The following FRRS1 variants were observed in gnomAD, a reference collection of about 807,000 sequenced individuals.
FRRS1 encodes ferric chelate reductase 1, also known as ferric reductase 1.
FRRS1 carries 51 observed loss-of-function variants against 70.7 expected under a neutral mutation model. That is an observed-to-expected ratio of 0.72 (90% CI 0.58 to 0.91). The LOEUF is 0.91. FRRS1 is among the 40% of genes least tolerant of loss of function. FRRS1 has a pLI of 0.00. For synonymous variants in FRRS1, 225 were observed against 238.7 expected, an observed-to-expected ratio of 0.94 and a Z score of 0.53; for missense variants, 672 against 726.0, an observed-to-expected ratio of 0.93 and a Z score of 0.86.
chr1:99,756,818 T>C (rs1329347329), intron 1 of FRRS1, among the ~76,000 whole-genome samples: 1 of 152,166 alleles, frequency 6.6e-6, no homozygotes, highest in Non-Finnish European at 1.5e-5. Flanking sequence ...AAGTTCTAGC[T>C]CTTGTTAGTC....
intron 9 of FRRS1, among the ~76,000 whole-genome samples, chr1:99,725,772 T>C (rs1655054687): frequency 6.6e-6 from 1 of 152,214 alleles, no homozygotes; most frequent in South Asian, 2.1e-4. Context: ...CATGTTCTGA[T>C]TTCTACATTG....
chr1:99,760,657 T>TC (rs1415116711), intron 1 of FRRS1, among the ~76,000 whole-genome samples: 1 of 152,170 alleles, frequency 6.6e-6, no homozygotes, highest in Non-Finnish European at 1.5e-5. Flanking sequence ...AGGAAAGACT[T>TC]CTTTTTTTTT....
At chr1:99,730,395 T>A (rs1655297861) in intron 7 of FRRS1, among the ~76,000 whole-genome samples, 1 of 152,154 alleles carries the variant, frequency 6.6e-6, no homozygotes, top group South Asian at 2.1e-4. Flanking sequence ...TCTCCAAAGA[T>A]CCTTAACTCT....
At chr1:99,759,661 T>G (rs183548659) in intron 1 of FRRS1, among the ~76,000 whole-genome samples, 12 of 152,286 alleles carry the variant, frequency 7.9e-5, no homozygotes, top group Admixed American at 2.0e-4. Context: ...CAATAAAATT[T>G]TGTGGACAAA....
chr1:99,734,627 A>G (rs1655559182), intron 7 of FRRS1, among the ~76,000 whole-genome samples: 1 of 152,178 alleles, frequency 6.6e-6, no homozygotes, highest in African/African-American at 2.4e-5. Context: ...GTCAAAACCA[A>G]CATTTCTCTG....
chr1:99,764,393 T>A (rs186027795), intron 1 of FRRS1, among the ~76,000 whole-genome samples: 61 of 152,292 alleles, frequency 4.0e-4, no homozygotes, highest in African/African-American at 1.4e-3. Flanking sequence ...GCATTTTTTT[T>A]AAAGCATGTA....
chr1:99,738,858 G>T (rs1055331434), intron 6 of FRRS1, among the ~76,000 whole-genome samples: 1 of 152,074 alleles, frequency 6.6e-6, no homozygotes, highest in Non-Finnish European at 1.5e-5. Context: ...ATTTATTGGG[G>T]GGAGAAATAA....
At chr1:99,753,861 A>AC (rs1284424536) in intron 1 of FRRS1, among the ~76,000 whole-genome samples, 9 of 152,236 alleles carry the variant, frequency 5.9e-5, no homozygotes, top group African/African-American at 1.9e-4. Context: ...AAAGTGGATC[A>AC]GGAAACAGAC....
chr1:99,740,916 T>G lies in FRRS1; in HGVS notation c.453A>C (p.Lys151Asn). The change falls in exon 6 of 17, where the codon AAA becomes AAC. Residue 151 changes from lysine to asparagine, a missense_variant. By Grantham distance (94) the Lys-to-Asn change is moderately conservative (BLOSUM62 0). Transcript: ENST00000646001. ...GACCAGGAATCTTCACCCAGTAGAT[T>G]TTATACTTCTCAACAACTGTGACTC... Reference protein sequence around the residue: ...QFLVTVVEKYKIYWVKIPGPI... With the variant: ...QFLVTVVEKYNIYWVKIPGPI... The G allele has an allele frequency of 6.2e-7, 1 of 1,611,182 alleles. No homozygotes were observed. Among genetic ancestry groups the G allele is most frequent in the Non-Finnish European group, 8.5e-7 (1 of 1,177,334 alleles).
rs543348589 is a variant in FRRS1 at position 99,733,919 on chromosome 1, C to T, written c.759+4167G>A. Among the ~76,000 whole-genome samples the T allele has an allele frequency of 4.7e-4, 72 of 152,260 alleles. 1 individual carries two copies. The South Asian group carries it at 0.012, about 25-fold the overall frequency. On this transcript the variant is annotated intron_variant, in intron 7 of 16. Coordinates refer to ENST00000646001, the MANE Select transcript of FRRS1 (RefSeq NM_001361041.2). ...TCATGATACAGAAATCTGACAGACA[C>T]CAGTGATCAAACATAGCATCATCAA... is the stretch of plus-strand genomic sequence containing the variant.
intron 7 of FRRS1, among the ~76,000 whole-genome samples, chr1:99,734,747 C>T (rs1161660917): frequency 6.6e-6 from 1 of 152,134 alleles, no homozygotes; most frequent in African/African-American, 2.4e-5. Flanking sequence ...CCTAACATTG[C>T]TGATCACCAA....
At chr1:99,727,836 G>T (rs1459340168) in intron 9 of FRRS1, among the ~76,000 whole-genome samples, 2 of 152,186 alleles carry the variant, frequency 1.3e-5, no homozygotes, top group Non-Finnish European at 2.9e-5. Context: ...ATTAATATGT[G>T]TTGCAATATC....
rs1232457104 is a variant in FRRS1, at chr1:99,704,824, C to G, written c.*4204G>C. Among the ~76,000 whole-genome samples the G allele has an allele frequency of 1.3e-5, 2 of 152,120 alleles. No individual in the cohort carries two copies. The highest frequency in any genetic ancestry group is 4.8e-5 in the African/African-American group (2 of 41,428). On this transcript the variant is annotated 3_prime_UTR_variant, in exon 17 of 17. Coordinates refer to ENST00000646001, the MANE Select transcript of FRRS1 (RefSeq NM_001361041.2). ...GGAGGAACAGTTGGCGGAGTTTGGC[C>G]GGGGCAATCAGAGGAGAGCCCAGGC...
chr1:99,719,960 G>A (rs896968040), intron 9 of FRRS1, among the ~76,000 whole-genome samples: 12 of 152,002 alleles, frequency 7.9e-5, no homozygotes, highest in Non-Finnish European at 8.8e-5. Context: ...AATAAGTGCT[G>A]TTAATATGGT....
chr1:99,711,700 C>A (rs1028892377), intron 14 of FRRS1, among the ~76,000 whole-genome samples: 1 of 152,072 alleles, frequency 6.6e-6, no homozygotes, highest in African/African-American at 2.4e-5. Flanking sequence ...CTTTTGAAAA[C>A]CACCCTGCCC....
At position 99,708,959 on chromosome 1, in the gene FRRS1, C is replaced by G. The variant is rs1654145959; in HGVS notation, c.*69G>C. ...ACAAATATGCTCCAGGCAGTCAGGA[C>G]AGGCTTCAAGTTTCTTTGGTTTGAT... On this transcript the variant is annotated 3_prime_UTR_variant, in exon 17 of 17. Coordinates refer to ENST00000646001, the MANE Select transcript of FRRS1 (RefSeq NM_001361041.2). 1 of 1,613,974 alleles carries G rather than the reference C, an allele frequency of 6.2e-7. No homozygotes were observed. The highest frequency in any genetic ancestry group is 8.5e-7 in the Non-Finnish European group (1 of 1,179,988).
At chr1:99,734,991 C>T (rs763783046) in intron 7 of FRRS1, among the ~76,000 whole-genome samples, 8 of 152,176 alleles carry the variant, frequency 5.3e-5, no homozygotes, top group African/African-American at 1.2e-4. Flanking sequence ...GAAGCTAATG[C>T]GCATACTTGA....
At chr1:99,728,701 T>C (rs1237061864) in intron 8 of FRRS1, 61 bp from the exon 9 acceptor site, 8 of 1,478,940 alleles carry the variant, frequency 5.4e-6, no homozygotes, top group Non-Finnish European at 7.5e-6. Flanking sequence ...AAATAAGATA[T>C]GATCAAAATC....
rs1221853198 is a variant in FRRS1 at position 99,740,825 on chromosome 1, T to C, written c.544A>G (p.Thr182Ala). 3.1e-6 allele frequency: 5 copies of C among 1,612,902 alleles called. No homozygotes were observed. Among genetic ancestry groups the C allele is most frequent in the African/African-American group, 1.3e-5 (1 of 75,016 alleles). The change falls in exon 6 of 17, where the codon ACG (threonine) becomes GCG (alanine). Residue 182 changes from threonine to alanine, a missense_variant. Thr to Ala is a moderately conservative substitution (Grantham distance 58). Transcript: ENST00000646001. ...GTTAAGTGGGAAACGGGAGGTAACGTTGGCAAAGGTACTACTGTAGCTTTA... is the reference window on the plus strand; with the variant it reads ...GTTAAGTGGGAAACGGGAGGTAACGCTGGCAAAGGTACTACTGTAGCTTTA... ...TPKATVVPLPTLPPVSHLTKP... is the reference protein window; with the variant it reads ...TPKATVVPLPALPPVSHLTKP...
Sources: gnomAD v4.1 joint callset for allele counts (sites outside exome capture counted in the v4.1 genomes callset) on GRCh38, gnomAD v4.1.1 for gene constraint, MANE v1.5 for transcripts, NCBI Gene and HGNC (gene_info 2026-07-23, HGNC 2026-07-21) for gene names.